SYNE2: variants seen among roughly 807,000 people sequenced by gnomAD.
SYNE2 encodes spectrin repeat containing nuclear envelope protein 2, also known as nesprin-2.
A neutral mutation model predicts 856.3 loss-of-function variants in SYNE2; 431 were observed. The ratio of observed to expected loss-of-function variants is 0.50; its 90% CI spans 0.47 to 0.55. The LOEUF (loss-of-function observed/expected upper bound fraction) is 0.55, where lower values mean the gene tolerates loss of function less well. SYNE2 is among the 20% of genes least tolerant of loss of function. The probability of loss-of-function intolerance (pLI) is 0.00; values close to 1 mark genes in which losing one functional copy is unlikely to be tolerated. For missense variants in SYNE2, 8,129 were observed against 8,023.2 expected (o/e 1.01, Z -0.50); for synonymous variants, 2,923 against 2,872.3 (o/e 1.02, Z -0.56).
chr14:64,038,725 CGCAGGCATTCA>C (rs1003315638), intron 45 of SYNE2, among the ~76,000 whole-genome samples: 3 of 152,226 alleles, frequency 2.0e-5, no homozygotes, highest in African/African-American at 7.2e-5. Flanking sequence ...CGCCTGCAAT[CGCAGGCATTCA>C]GCAGGCTGAG....
chr14:64,037,891 G>A (rs2097107881), intron 45 of SYNE2, among the ~76,000 whole-genome samples: 1 of 150,392 alleles, frequency 6.6e-6, no homozygotes, highest in Admixed American at 6.6e-5. Context: ...CGGGCGGGGG[G>A]CTGACCCCCA....
chr14:64,062,742 A>T lies in SYNE2; in HGVS notation c.10068-9A>T, dbSNP rs529682321. 24 of 1,611,476 alleles carry T rather than the reference A, an allele frequency of 1.5e-5. No individual in the cohort carries two copies. The South Asian group carries it at 1.6e-4, about 11-fold the overall frequency. On this transcript the variant is annotated splice_polypyrimidine_tract_variant and intron_variant, in intron 49 of 115. Coordinates refer to ENST00000555002, the MANE Select transcript of SYNE2 (RefSeq NM_182914.3). ...TAATACCACTTTTTTTCTAACTGTG[A>T]CTCACTAGGTATCTTGAGAATTACA...
chr14:64,161,336 C>T (rs2098327945), intron 87 of SYNE2, among the ~76,000 whole-genome samples: 1 of 150,566 alleles, frequency 6.6e-6, no homozygotes, highest in African/African-American at 2.4e-5. Flanking sequence ...AGAGCAAGAC[C>T]CTGTTTCAGA....
intron 84 of SYNE2, among the ~76,000 whole-genome samples, chr14:64,152,289 G>A (rs1005834039): frequency 6.6e-6 from 1 of 152,150 alleles, no homozygotes; most frequent in African/African-American, 2.4e-5. Flanking sequence ...AGCCAGTGCA[G>A]GGCAGACGTG....
chr14:63,823,045 A>G (rs1478130378), intron 1 of SYNE2, among the ~76,000 whole-genome samples: 1 of 152,088 alleles, frequency 6.6e-6, no homozygotes, highest in Non-Finnish European at 1.5e-5. Context: ...TCGAGGTTGC[A>G]GTGAGCTATG....
At chr14:64,027,442 G>T in intron 42 of SYNE2, 42 bp from the exon 43 acceptor site, 1 of 1,340,228 alleles carries the variant, frequency 7.5e-7, no homozygotes, top group Admixed American at 2.0e-5. Flanking sequence ...AGTCCATTTT[G>T]CTAAATATCA....
chr14:64,162,452 G>T (rs2098336898), intron 88 of SYNE2, 176 bp downstream of exon 88: 2 of 705,588 alleles, frequency 2.8e-6, no homozygotes, highest in Non-Finnish European at 5.1e-6. Context: ...TGGCTCAGAG[G>T]TGACGTCTAG....
intron 7 of SYNE2, among the ~76,000 whole-genome samples, chr14:63,951,388 C>T (rs1566892569): frequency 6.6e-6 from 1 of 152,116 alleles, no homozygotes; most frequent in Non-Finnish European, 1.5e-5. Context: ...CTGCAACCTG[C>T]ACCTCCTGGG....
rs148696642 is a variant in SYNE2, at chr14:63,907,583, C to CT, written c.-51-1504dup. Among the ~76,000 whole-genome samples the CT allele has an allele frequency of 1.7e-3, 251 of 146,808 alleles. 1 individual carries two copies. Among genetic ancestry groups the CT allele is most frequent in the East Asian group, 0.015 (78 of 5,068 alleles). Reference sequence around the variant, plus strand: ...AGTACTGTATAATATTGCTATTATCCTTTTTTTTTTTAAATAGCGATGACA... The same window carrying CT: ...AGTACTGTATAATATTGCTATTATCCTTTTTTTTTTTTAAATAGCGATGACA... On this transcript the variant is annotated intron_variant, in intron 1 of 115. Coordinates refer to ENST00000555002, the MANE Select transcript of SYNE2 (RefSeq NM_182914.3).
intron 2 of SYNE2, among the ~76,000 whole-genome samples, chr14:63,922,066 C>T (rs531639552): frequency 2.6e-4 from 40 of 152,254 alleles, no homozygotes; most frequent in African/African-American, 8.4e-4. Flanking sequence ...TACAGTGGCA[C>T]GATCACGGCT....
At chr14:63,900,064 C>G (rs1487972760) in intron 1 of SYNE2, among the ~76,000 whole-genome samples, 1 of 152,160 alleles carries the variant, frequency 6.6e-6, no homozygotes, top group East Asian at 1.9e-4. Flanking sequence ...TTCAGAGCAT[C>G]TGGGACTAGG....
At chr14:64,177,967 A>G (rs534310772) in intron 96 of SYNE2, among the ~76,000 whole-genome samples, 1 of 152,214 alleles carries the variant, frequency 6.6e-6, no homozygotes, top group African/African-American at 2.4e-5. Context: ...AACTTCCTGG[A>G]TATTTTAGGC....
chr14:64,098,370 G>T, intron 62 of SYNE2: 1 of 618,722 alleles, frequency 1.6e-6, no homozygotes, highest in Non-Finnish European at 2.8e-6. Context: ...AATTACTTTA[G>T]GACATGCTTA....
In SYNE2 at chr14:64,002,707, A is replaced by G. The variant is rs774567763; in HGVS notation, c.3787-13A>G. 2 of 1,610,326 alleles carry G rather than the reference A, an allele frequency of 1.2e-6. No homozygotes were observed. The highest frequency in any genetic ancestry group is 1.7e-5 in the Admixed American group (1 of 59,574). On this transcript the variant is annotated splice_polypyrimidine_tract_variant and intron_variant, in intron 29 of 115. Transcript: ENST00000555002. ...CCACCTCAGTGTTTTAGCTTTTCTT[A>G]TCTTTATTTTAGAATATCCAAGATT...
intron 2 of SYNE2, among the ~76,000 whole-genome samples, chr14:63,931,750 C>T (rs1264765932): frequency 6.6e-6 from 1 of 151,982 alleles, no homozygotes; most frequent in African/African-American, 2.4e-5. Flanking sequence ...GAAGCAAAAA[C>T]ACAAAAGCAC....
chr14:64,165,114 T>C (rs1226009629), intron 89 of SYNE2, among the ~76,000 whole-genome samples, 171 bp from the exon 90 acceptor site: 1 of 152,080 alleles, frequency 6.6e-6, no homozygotes, highest in African/African-American at 2.4e-5. Flanking sequence ...CTTGAACTCC[T>C]GGGCTCAAGC....
chr14:63,787,763 A>G (rs1887592632), intron 1 of SYNE2, among the ~76,000 whole-genome samples: 1 of 152,156 alleles, frequency 6.6e-6, no homozygotes, highest in Non-Finnish European at 1.5e-5. Context: ...ATAGGCAGCC[A>G]TGGGCTGGCT....
chr14:63,984,115 C>T (rs908643100), intron 18 of SYNE2, among the ~76,000 whole-genome samples: 6 of 152,144 alleles, frequency 3.9e-5, no homozygotes, highest in East Asian at 3.9e-4. Flanking sequence ...TGTGTTTGTG[C>T]GCCTGTGGTT....
intron 8 of SYNE2, among the ~76,000 whole-genome samples, chr14:63,956,931 A>G (rs370829309): frequency 5.9e-5 from 9 of 152,014 alleles, no homozygotes; most frequent in African/African-American, 2.2e-4. Context: ...GTCATCCCCA[A>G]AGGAACTCCT....
Sources: allele counts gnomAD v4.1 joint callset (sites outside exome capture counted in the v4.1 genomes callset), GRCh38; gene constraint gnomAD v4.1.1; transcripts MANE v1.5; gene names NCBI Gene and HGNC (gene_info 2026-07-23, HGNC 2026-07-21).